NR5A2: variants seen among roughly 807,000 people sequenced by gnomAD.
NR5A2 encodes nuclear receptor subfamily 5 group A member 2.
NR5A2 carries 26 observed loss-of-function variants against 62.7 expected under a neutral mutation model. The ratio of observed to expected loss-of-function variants is 0.41; its 90% CI spans 0.30 to 0.58. The LOEUF (loss-of-function observed/expected upper bound fraction) is 0.58, where lower values mean the gene tolerates loss of function less well. Among genes scored for constraint, NR5A2 ranks in the 20% least tolerant of loss-of-function variants. The pLI is 0.22. For synonymous variants in NR5A2, 246 were observed against 241.7 expected (o/e 1.02, Z -0.16); for missense variants, 541 against 669.1 (o/e 0.81, Z 2.11).
intron 5 of NR5A2, among the ~76,000 whole-genome samples, chr1:200,082,399 A>G (rs753222799): frequency 1.3e-4 from 20 of 152,210 alleles, no homozygotes; most frequent in Non-Finnish European, 2.8e-4. Flanking sequence ...AGAACATCAC[A>G]TTAGGTGTTT....
intron 5 of NR5A2, among the ~76,000 whole-genome samples, chr1:200,094,980 A>T (rs897709392): frequency 6.6e-6 from 1 of 152,210 alleles, no homozygotes; most frequent in Non-Finnish European, 1.5e-5. Context: ...TATGTTAAAC[A>T]TAACAAGAAG....
At chr1:200,113,914 C>T (rs1182216008) in intron 6 of NR5A2, among the ~76,000 whole-genome samples, 2 of 152,180 alleles carry the variant, frequency 1.3e-5, no homozygotes, top group African/African-American at 4.8e-5. Context: ...GGCACAGTGG[C>T]TCACGCCTGT....
chr1:200,133,590 T>C (rs201025788), intron 7 of NR5A2, among the ~76,000 whole-genome samples: 38 of 105,788 alleles, frequency 3.6e-4, no homozygotes, highest in Non-Finnish European at 5.4e-4. Flanking sequence ...TATATACACA[T>C]ATATATATAT....
chr1:200,151,312 A>G (rs1187561368), intron 7 of NR5A2, among the ~76,000 whole-genome samples: 2 of 152,208 alleles, frequency 1.3e-5, no homozygotes, highest in Non-Finnish European at 2.9e-5. Context: ...CCATCTATCA[A>G]TTCTTAAGAT....
At chr1:200,158,162 T>G (rs964003221) in intron 7 of NR5A2, among the ~76,000 whole-genome samples, 1 of 152,234 alleles carries the variant, frequency 6.6e-6, no homozygotes, top group African/African-American at 2.4e-5. Flanking sequence ...GCAATTTTAG[T>G]AACCTCAGTC....
chr1:200,110,844 G>C (rs771035887), intron 5 of NR5A2, among the ~76,000 whole-genome samples: 13 of 152,122 alleles, frequency 8.5e-5, no homozygotes, highest in Non-Finnish European at 1.5e-4. Flanking sequence ...GCAATCTGGG[G>C]TCATTCTAAT....
At chr1:200,054,557 T>TA (rs1162038091) in intron 5 of NR5A2, among the ~76,000 whole-genome samples, 7 of 152,170 alleles carry the variant, frequency 4.6e-5, no homozygotes, top group East Asian at 3.9e-4. Flanking sequence ...ATGTACGTAT[T>TA]AAAAAAAATC....
At chr1:200,144,535 T>C (rs2737624) in intron 7 of NR5A2, among the ~76,000 whole-genome samples, 135,043 of 152,220 alleles carry the variant, frequency 0.89, 61,308 homozygotes, top group Non-Finnish European at 0.98. Flanking sequence ...GAAAGACCTA[T>C]CAAATCTGCC....
chr1:200,070,871 CAG>C (rs1663712033), intron 5 of NR5A2, among the ~76,000 whole-genome samples: 4 of 151,764 alleles, frequency 2.6e-5, no homozygotes, highest in African/African-American at 9.7e-5. Flanking sequence ...GGATGCATAG[CAG>C]AGTTTCAGTT....
At chr1:200,081,949 C>G (rs1244640202) in intron 5 of NR5A2, among the ~76,000 whole-genome samples, 3 of 151,910 alleles carry the variant, frequency 2.0e-5, no homozygotes, top group African/African-American at 7.3e-5. Flanking sequence ...AATTATGCCC[C>G]TTAATTAAAT....
chr1:200,146,183 C>T (rs1451338741), intron 7 of NR5A2, among the ~76,000 whole-genome samples: 1 of 152,140 alleles, frequency 6.6e-6, no homozygotes, highest in African/African-American at 2.4e-5. Flanking sequence ...TTCTAATTTG[C>T]CATTCACTTG....
At chr1:200,112,954 T>C (rs189765923) in intron 6 of NR5A2, among the ~76,000 whole-genome samples, 1 of 152,364 alleles carries the variant, frequency 6.6e-6, no homozygotes, top group Admixed American at 6.5e-5. Flanking sequence ...CCATTCCTGC[T>C]CTTTAGAAAT....
chr1:200,121,034 G>C lies in NR5A2; in HGVS notation c.1378+79G>C. 2.7e-6 allele frequency: 4 copies of C among 1,486,822 alleles called. No homozygotes were observed. The South Asian group carries it at 4.7e-5, about 17-fold the overall frequency. 92.1% of individuals were successfully genotyped at this position (1,486,822 alleles called of 1,614,324 possible). A position where few individuals can be genotyped will look rare whatever the true frequency, so the allele number is the denominator to read the frequency against. On this transcript the variant is annotated intron_variant, in intron 7 of 7. Coordinates refer to ENST00000367362, the MANE Select transcript of NR5A2 (RefSeq NM_205860.3). The stretch of plus-strand genomic sequence containing the variant: ...GAAGTTCAAATATCTTGTGGTCCAT[G>C]TATGTTTTTGTTCTATCAATATAAT...
At chr1:200,053,607 A>ACACACACACACACACAC (rs1571721400) in intron 5 of NR5A2, among the ~76,000 whole-genome samples, 1 of 151,106 alleles carries the variant, frequency 6.6e-6, no homozygotes, top group African/African-American at 2.4e-5. Context: ...ACACACACAC[A>ACACACACACACACACAC]AAGAGGCAGT....
intron 5 of NR5A2, among the ~76,000 whole-genome samples, chr1:200,099,223 G>A (rs1404551145): frequency 2.0e-5 from 3 of 152,114 alleles, no homozygotes; most frequent in Admixed American, 6.5e-5. Context: ...CCCTAATTTC[G>A]GTTGTACTTT....
intron 6 of NR5A2, among the ~76,000 whole-genome samples, chr1:200,114,928 C>T (rs1666146306): frequency 6.6e-6 from 1 of 152,120 alleles, no homozygotes; most frequent in Non-Finnish European, 1.5e-5. Context: ...TGCCTTCACG[C>T]CGGCATTTAA....
rs1373133821 is a variant in NR5A2, at chr1:200,175,534, C to CTTAT, written c.*1327_*1330dup. The CTTAT allele has an allele frequency of 2.0e-5, 3 of 152,726 alleles. No individual in the cohort carries two copies. In the East Asian group the frequency reaches 5.8e-4, roughly 29 times the overall value. 9.5% of individuals were successfully genotyped at this position (152,726 alleles called of 1,614,324 possible). On this transcript the variant is annotated 3_prime_UTR_variant, in exon 8 of 8. Coordinates refer to ENST00000367362, the MANE Select transcript of NR5A2 (RefSeq NM_205860.3). The stretch of plus-strand genomic sequence containing the variant: ...GATGCCACAGGTATGAAAGTCTTGC[C>CTTAT]TTATTTCACAATTTTAAAAGGTAGC...
chr1:200,140,723 A>G (rs1450119164), intron 7 of NR5A2, among the ~76,000 whole-genome samples: 1 of 152,200 alleles, frequency 6.6e-6, no homozygotes, highest in African/African-American at 2.4e-5. Flanking sequence ...ATCTCACATA[A>G]CTATCCTCAA....
rs1653604125 is a variant in NR5A2 at position 200,160,742 on chromosome 1, G to A, written c.1379-13221G>A. ...TATCCCGAGGCAAACCAGACATCTA[G>A]TATGGGCTAAATTCAACAACTGGAG... On this transcript the variant is annotated intron_variant, in intron 7 of 7. Coordinates refer to ENST00000367362, the MANE Select transcript of NR5A2 (RefSeq NM_205860.3). 2.0e-5 allele frequency among the ~76,000 whole-genome samples: 3 copies of A among 151,520 alleles called. No individual in the cohort carries two copies. In the South Asian group the frequency reaches 6.3e-4, roughly 32 times the overall value.
Sources: allele counts gnomAD v4.1 joint callset (sites outside exome capture counted in the v4.1 genomes callset), GRCh38; gene constraint gnomAD v4.1.1; transcripts MANE v1.5; gene names NCBI Gene and HGNC (gene_info 2026-07-23, HGNC 2026-07-21).